Variants in TNRC6B observed in about 807,000 individuals in gnomAD.
The protein encoded by TNRC6B is trinucleotide repeat containing adaptor 6B, also known as trinucleotide repeat-containing gene 6B protein.
In TNRC6B, 52 loss-of-function variants were observed where a neutral mutation model predicts 203.6. The observed-to-expected ratio is 0.26, with a 90% CI of 0.20 to 0.32. The LOEUF is 0.32. Among genes scored for constraint, TNRC6B ranks in the 10% least tolerant of loss-of-function variants. The pLI, the probability that TNRC6B is intolerant of heterozygous loss-of-function variation, is 1.00. For missense variants in TNRC6B, 1,923 were observed against 2,286.2 expected (o/e 0.84, Z 3.24); for synonymous variants, 838 against 845.7 (o/e 0.99, Z 0.16).
At chr22:40,254,197 C>T (rs754367556) in intron 3 of TNRC6B, among the ~76,000 whole-genome samples, 2 of 152,106 alleles carry the variant, frequency 1.3e-5, no homozygotes, top group Non-Finnish European at 2.9e-5. Context: ...AAGCTAATAT[C>T]CTCCTTCGTT....
At chr22:40,249,728 G>C (rs972750219) in intron 2 of TNRC6B, among the ~76,000 whole-genome samples, 1 of 152,166 alleles carries the variant, frequency 6.6e-6, no homozygotes, top group African/African-American at 2.4e-5. Context: ...AATTGCCTTC[G>C]GGAATTGGTA....
At chr22:40,164,812 A>C (rs1391709875) in intron 4 of TNRC6B, among the ~76,000 whole-genome samples, 2 of 137,184 alleles carry the variant, frequency 1.5e-5, no homozygotes, top group Non-Finnish European at 3.1e-5. Flanking sequence ...ATAGCGTCTC[A>C]CTCTGCCCAG....
Position 40,322,949 on chromosome 22 carries a change from C to T in TNRC6B, c.5210C>T (p.Ala1737Val), listed in dbSNP as rs1484059337. The T allele has an allele frequency of 6.2e-7, 1 of 1,613,570 alleles. No homozygotes were observed. The highest frequency in any genetic ancestry group is 8.5e-7 in the Non-Finnish European group (1 of 1,179,664). The change falls in exon 23 of 23, where the codon GCA (alanine) becomes GTA (valine). Residue 1737 changes from alanine (A) to valine (V), a missense_variant. Physicochemically the swap from Ala to Val is moderately conservative, Grantham distance 64 (BLOSUM62 0). Coordinates refer to ENST00000454349, the MANE Select transcript of TNRC6B (RefSeq NM_001162501.2). ...CAAGCTCAGCCCCCTACACCTGCAG[C>T]AACCCCAAGTGCGCCAGCTGCGGGG... ...LAQAQPPTPAATPSAPAAGWQ... is the reference protein window; with the variant it reads ...LAQAQPPTPAVTPSAPAAGWQ...
intron 3 of TNRC6B, chr22:40,125,867 G>A (rs769130494): frequency 6.2e-7 from 1 of 1,611,168 alleles, no homozygotes; most frequent in Non-Finnish European, 8.5e-7. Context: ...TCCAAGGTCA[G>A]TAAATTACTG....
chr22:40,243,877 G>A (rs1009842496), intron 1 of TNRC6B, among the ~76,000 whole-genome samples: 23 of 152,010 alleles, frequency 1.5e-4, no homozygotes, highest in Admixed American at 1.4e-3. Flanking sequence ...GAGTCACTGC[G>A]CCCAGCTAAC....
chr22:40,067,625 G>GC (rs1360632892), intron 1 of TNRC6B, among the ~76,000 whole-genome samples: 5 of 152,272 alleles, frequency 3.3e-5, no homozygotes, highest in African/African-American at 1.2e-4. Context: ...AGGCCTGAGA[G>GC]CCCCAAGAGG....
chr22:40,117,412 G>A (rs1441441620), intron 2 of TNRC6B, among the ~76,000 whole-genome samples: 2 of 152,126 alleles, frequency 1.3e-5, no homozygotes, highest in African/African-American at 4.8e-5. Flanking sequence ...TAGCGTCTCT[G>A]TCTCTCACCT....
chr22:40,134,965 T>C (rs2068586456), intron 3 of TNRC6B, among the ~76,000 whole-genome samples: 1 of 152,240 alleles, frequency 6.6e-6, no homozygotes, highest in Non-Finnish European at 1.5e-5. Context: ...CAAAGTGGTA[T>C]TGGCTGGAGT....
chr22:40,192,690 G>A (rs752066751), intron 1 of TNRC6B, among the ~76,000 whole-genome samples: 1 of 152,164 alleles, frequency 6.6e-6, no homozygotes, highest in Non-Finnish European at 1.5e-5. Flanking sequence ...TGGTGAGAAA[G>A]AGGGAGGGAT....
intron 3 of TNRC6B, 59 bp from the exon 4 acceptor site, chr22:40,261,773 T>A (rs2070387043): frequency 7.6e-7 from 1 of 1,307,752 alleles, no homozygotes; most frequent in Non-Finnish European, 1.0e-6. Context: ...TTTTTAAAAT[T>A]TTTAGAAAAA....
At chr22:40,199,037 C>T (rs558116792) in intron 1 of TNRC6B, among the ~76,000 whole-genome samples, 57 of 152,004 alleles carry the variant, frequency 3.7e-4, no homozygotes, top group Non-Finnish European at 6.2e-4. Flanking sequence ...GGTTAGAAAG[C>T]AAAGAAGTCT....
chr22:40,147,021 A>G (rs769796997), intron 3 of TNRC6B, among the ~76,000 whole-genome samples: 3 of 152,370 alleles, frequency 2.0e-5, no homozygotes, highest in Middle Eastern at 3.4e-3. Flanking sequence ...GGTATTCACA[A>G]TAGCGAAAAG....
intron 3 of TNRC6B, among the ~76,000 whole-genome samples, chr22:40,137,381 T>C (rs1267367449): frequency 6.6e-6 from 1 of 152,122 alleles, no homozygotes; most frequent in Non-Finnish European, 1.5e-5. Flanking sequence ...CCATAGTAGT[T>C]CAATACTCCA....
chr22:40,085,633 T>C (rs1215797068), intron 1 of TNRC6B, among the ~76,000 whole-genome samples: 1 of 152,298 alleles, frequency 6.6e-6, no homozygotes, highest in East Asian at 1.9e-4. Context: ...CTTGATCTAA[T>C]TCAGATTGGG....
intron 1 of TNRC6B, among the ~76,000 whole-genome samples, chr22:40,217,393 C>G (rs576094845): frequency 6.6e-5 from 10 of 152,288 alleles, no homozygotes; most frequent in African/African-American, 2.4e-4. Flanking sequence ...AAGTGAGTGG[C>G]CTGCCCAGGT....
chr22:40,106,658 A>ACAAT, intron 1 of TNRC6B: 1 of 750,582 alleles, frequency 1.3e-6, no homozygotes. Flanking sequence ...ATATGACTCT[A>ACAAT]CAATCCTCAG....
At chr22:40,148,510 T>C (rs781098172) in intron 3 of TNRC6B, among the ~76,000 whole-genome samples, 60 of 152,102 alleles carry the variant, frequency 3.9e-4, no homozygotes, top group Non-Finnish European at 7.4e-4. Context: ...TCTCAATCTC[T>C]TGACCTTGTG....
At chr22:40,262,270 T>C in intron 4 of TNRC6B, 97 bp downstream of exon 4, 1 of 1,114,624 alleles carries the variant, frequency 9.0e-7, no homozygotes, top group Non-Finnish European at 1.2e-6. Flanking sequence ...CCATTCATTA[T>C]ATAAACCACT....
chr22:40,292,788 C>T (rs1025133585), intron 12 of TNRC6B, among the ~76,000 whole-genome samples: 8 of 152,188 alleles, frequency 5.3e-5, no homozygotes, highest in Admixed American at 2.6e-4. Flanking sequence ...AAGTTGAGCA[C>T]GGCTGGGATA....
Sources: gnomAD v4.1 joint callset for allele counts (sites outside exome capture counted in the v4.1 genomes callset) on GRCh38, gnomAD v4.1.1 for gene constraint, MANE v1.5 for transcripts, NCBI Gene and HGNC (gene_info 2026-07-23, HGNC 2026-07-21) for gene names.